The following FERMT2 variants were observed in gnomAD, a reference collection of about 807,000 sequenced individuals.
FERMT2 encodes fermitin family homolog 2.
A neutral mutation model predicts 82.7 loss-of-function variants in FERMT2; 15 were observed. That is an observed-to-expected ratio of 0.18 (90% CI 0.12 to 0.28). The LOEUF is 0.28. FERMT2 is among the 10% of genes least tolerant of loss of function. The pLI is 1.00. For missense variants in FERMT2, 645 were observed against 809.4 expected, an observed-to-expected ratio of 0.80 and a Z score of 2.46; for synonymous variants, 274 against 271.5, an observed-to-expected ratio of 1.01 and a Z score of -0.09.
chr14:52,880,640 G>A (rs1237507954), intron 6 of FERMT2, among the ~76,000 whole-genome samples: 1 of 151,986 alleles, frequency 6.6e-6, no homozygotes, highest in East Asian at 1.9e-4. Flanking sequence ...CATGTGATCC[G>A]CCCACCTTGG....
At chr14:52,858,673 G>A (rs1594919207) in intron 14 of FERMT2, 123 bp from the exon 15 acceptor site, 1 of 859,760 alleles carries the variant, frequency 1.2e-6, no homozygotes, top group East Asian at 2.6e-5. Flanking sequence ...CAAATGATCA[G>A]TCTGTCTAAA....
In FERMT2 at chr14:52,919,127, A is replaced by C; in HGVS notation, c.387T>G (p.Thr129=). 1.3e-6 allele frequency: 2 copies of C among 1,598,320 alleles called. No individual in the cohort carries two copies. Among genetic ancestry groups the C allele is most frequent in the Non-Finnish European group, 1.7e-6 (2 of 1,166,304 alleles). Residue 129 remains threonine (T), a synonymous_variant, in exon 3 of 15, where the codon ACT becomes ACG. Coordinates refer to ENST00000341590, the MANE Select transcript of FERMT2 (RefSeq NM_006832.3). The part of the protein sequence containing the change: ...VFKAVSDICK[T]FNIRHPEELS... ...AAGAATTTATGTAATACTTACTAAA[A>C]GTCTTACAGATGTCAGAAACAGCTT... is the stretch of plus-strand genomic sequence containing the variant.
intron 10 of FERMT2, among the ~76,000 whole-genome samples, chr14:52,866,909 G>C (rs76500517): frequency 1.3e-5 from 2 of 151,868 alleles, no homozygotes; most frequent in African/African-American, 4.8e-5. Context: ...ATTACCATCC[G>C]AGCAACCCTG....
chr14:52,899,237 C>T (rs568608317), intron 3 of FERMT2, among the ~76,000 whole-genome samples: 61 of 152,132 alleles, frequency 4.0e-4, no homozygotes, highest in Non-Finnish European at 4.6e-4. Flanking sequence ...AGGGCTCTAG[C>T]GGCTTGTTTT....
At chr14:52,887,818 A>C (rs553724944) in intron 4 of FERMT2, among the ~76,000 whole-genome samples, 97 of 152,074 alleles carry the variant, frequency 6.4e-4, no homozygotes, top group African/African-American at 2.3e-3. Flanking sequence ...AAAATTACTT[A>C]ACTTTAGTTA....
At position 52,875,364 on chromosome 14, in the gene FERMT2, C is replaced by A. The variant is rs540981828; in HGVS notation, c.964-7G>T. On this transcript the variant is annotated splice_polypyrimidine_tract_variant and splice_region_variant and intron_variant, in intron 7 of 14. Coordinates refer to ENST00000341590, the MANE Select transcript of FERMT2 (RefSeq NM_006832.3). ...ACAGCTTATTGATATGATACTGAAA[C>A]CAGAATTATTTTATTAAAATAATTG... is the stretch of plus-strand genomic sequence containing the variant. The A allele has an allele frequency of 6.4e-7, 1 of 1,561,500 alleles. No homozygotes were observed. The highest frequency in any genetic ancestry group is 1.8e-5 in the Admixed American group (1 of 56,632).
intron 2 of FERMT2, among the ~76,000 whole-genome samples, chr14:52,945,243 GTT>G (rs112038349): frequency 6.9e-6 from 1 of 145,380 alleles, no homozygotes; most frequent in Admixed American, 6.9e-5. Flanking sequence ...TTTTGTTGTT[GTT>G]TTTTTTTTGT....
intron 3 of FERMT2, among the ~76,000 whole-genome samples, chr14:52,896,997 AAAACACAC>A (rs1426458063): frequency 1.1e-5 from 1 of 87,116 alleles, no homozygotes; most frequent in Non-Finnish European, 2.2e-5. Flanking sequence ...CAAAACAAAT[AAAACACAC>A]ACACACACAC....
At chr14:52,940,589 T>C (rs1890046621) in intron 2 of FERMT2, among the ~76,000 whole-genome samples, 1 of 152,214 alleles carries the variant, frequency 6.6e-6, no homozygotes, top group Non-Finnish European at 1.5e-5. Context: ...TCTTCTACTT[T>C]AGAGTTACCA....
rs1263291681 is a variant in FERMT2, at chr14:52,858,153, A to G, written c.*224T>C. On this transcript the variant is annotated 3_prime_UTR_variant, in exon 15 of 15. Transcript: ENST00000341590. ...TGCCCACTATTTCAGTTTTCAATTC[A>G]TGGCCCTAAGGAATGTGTGACAAAT... 8.4e-6 allele frequency: 4 copies of G among 475,398 alleles called. No homozygotes were observed. Among genetic ancestry groups the G allele is most frequent in the Non-Finnish European group, 1.5e-5 (4 of 264,908 alleles). The allele number at this position is 475,398 out of a possible 1,614,324, so 29.4% of individuals were successfully genotyped here. A position where few individuals can be genotyped will look rare whatever the true frequency, so the allele number is the denominator to read the frequency against.
intron 2 of FERMT2, among the ~76,000 whole-genome samples, chr14:52,950,115 T>C (rs117936380): frequency 0.012 from 1,782 of 152,314 alleles, 51 homozygotes; most frequent in East Asian, 0.073. Context: ...TGTCAGTAAA[T>C]GTTAAGAATT....
At chr14:52,942,132 C>CT (rs1228542418) in intron 2 of FERMT2, among the ~76,000 whole-genome samples, 3 of 151,898 alleles carry the variant, frequency 2.0e-5, no homozygotes, top group East Asian at 3.9e-4. Context: ...CCTACTTTTC[C>CT]TTTTTTTCCT....
At chr14:52,922,729 C>T (rs1032983838) in intron 2 of FERMT2, among the ~76,000 whole-genome samples, 3 of 152,288 alleles carry the variant, frequency 2.0e-5, no homozygotes, top group East Asian at 1.9e-4. Context: ...GTCAAGAACT[C>T]GACTTTCCAA....
chr14:52,934,880 A>G (rs1889766020), intron 2 of FERMT2, among the ~76,000 whole-genome samples: 1 of 152,190 alleles, frequency 6.6e-6, no homozygotes, highest in African/African-American at 2.4e-5. Flanking sequence ...GAGAGGCAAC[A>G]CTAACACTTC....
chr14:52,917,074 T>C (rs1169459953), intron 3 of FERMT2, among the ~76,000 whole-genome samples: 1 of 152,228 alleles, frequency 6.6e-6, no homozygotes, highest in Non-Finnish European at 1.5e-5. Flanking sequence ...GAATATAAAC[T>C]GGTATAACCA....
At chr14:52,869,090 A>C (rs1338557769) in intron 10 of FERMT2, among the ~76,000 whole-genome samples, 8 of 152,196 alleles carry the variant, frequency 5.3e-5, no homozygotes, top group Non-Finnish European at 1.0e-4. Context: ...ATTTAGTCTC[A>C]AAGTCAACAG....
rs1005232279 is a variant in FERMT2, at chr14:52,919,058, G to A, written c.391+65C>T. Reference sequence around the variant, plus strand: ...TGCCCCATCCCTTGGGATAAGCTATGTCAGTCATCGGTCATCTGTACATCA... The same window carrying A: ...TGCCCCATCCCTTGGGATAAGCTATATCAGTCATCGGTCATCTGTACATCA... On this transcript the variant is annotated intron_variant, in intron 3 of 14. Coordinates refer to ENST00000341590, the MANE Select transcript of FERMT2 (RefSeq NM_006832.3). The A allele has an allele frequency of 1.1e-5, 12 of 1,108,736 alleles. No individual in the cohort carries two copies. The East Asian group carries it at 1.2e-4, about 11-fold the overall frequency. The allele number at this position is 1,108,736 out of a possible 1,614,324, so 68.7% of individuals were successfully genotyped here.
intron 6 of FERMT2, among the ~76,000 whole-genome samples, chr14:52,880,580 G>A (rs1262499222): frequency 6.6e-6 from 1 of 152,024 alleles, no homozygotes; most frequent in Non-Finnish European, 1.5e-5. Context: ...TGTATTTTTA[G>A]TAGAGACGGG....
chr14:52,917,456 A>C (rs142643219), intron 3 of FERMT2, among the ~76,000 whole-genome samples: 1 of 152,266 alleles, frequency 6.6e-6, no homozygotes, highest in East Asian at 1.9e-4. Flanking sequence ...AAATATCAAC[A>C]ATTATTAATT....
Sources: gnomAD v4.1 joint callset for allele counts (sites outside exome capture counted in the v4.1 genomes callset) on GRCh38, gnomAD v4.1.1 for gene constraint, MANE v1.5 for transcripts, NCBI Gene and HGNC (gene_info 2026-07-23, HGNC 2026-07-21) for gene names.